Variants in SAMD5 observed in about 807,000 individuals in gnomAD.
The protein encoded by SAMD5 is sterile alpha motif domain containing 5.
Under a neutral mutation model 11.3 loss-of-function variants are expected in SAMD5, and 13 were observed. The ratio of observed to expected loss-of-function variants is 1.15; its 90% CI spans 0.75 to 1.83. The LOEUF is 1.83. Among genes scored for constraint, SAMD5 ranks in the 40% most tolerant of loss-of-function variants. SAMD5 has a pLI of 0.00. For synonymous variants in SAMD5, 129 were observed against 111.3 expected (o/e 1.16, Z -1.00); for missense variants, 255 against 239.1 (o/e 1.07, Z -0.44).
intron 1 of SAMD5, among the ~76,000 whole-genome samples, chr6:147,530,342 G>GTT (rs1788409543): frequency 6.6e-6 from 1 of 152,250 alleles, no homozygotes; most frequent in Non-Finnish European, 1.5e-5. Context: ...GTGCAGGGAC[G>GTT]TTTTACTTGT....
the SAMD5 span, among the ~76,000 whole-genome samples, chr6:147,939,911 A>G: frequency 1.3e-5 from 2 of 152,138 alleles, no homozygotes; most frequent in African/African-American, 4.8e-5. Flanking sequence ...GGGTAAGAAT[A>G]TGATGTTATG....
chr6:147,759,462 T>C, the SAMD5 span, among the ~76,000 whole-genome samples: 3 of 152,104 alleles, frequency 2.0e-5, no homozygotes, highest in Non-Finnish European at 2.9e-5. Context: ...CAATAACTCT[T>C]GTTTGGTTTT....
chr6:147,947,233 T>C, the SAMD5 span, among the ~76,000 whole-genome samples: 2 of 152,176 alleles, frequency 1.3e-5, no homozygotes, highest in Non-Finnish European at 2.9e-5. Context: ...TAGTTTAGGA[T>C]GGAATTAGCT....
intron 1 of SAMD5, among the ~76,000 whole-genome samples, chr6:147,537,755 C>CA (rs34367490): frequency 3.5e-4 from 49 of 140,018 alleles, no homozygotes; most frequent in Middle Eastern, 3.6e-3. Context: ...GACTCCGTCT[C>CA]AAAAAAAAAA....
At chr6:147,722,415 T>G (rs1039325563) in intron 1 of SAMD5, among the ~76,000 whole-genome samples, 1 of 152,206 alleles carries the variant, frequency 6.6e-6, no homozygotes, top group African/African-American at 2.4e-5. Flanking sequence ...TTTGCCAATA[T>G]TTTATGCCCT....
the SAMD5 span, among the ~76,000 whole-genome samples, chr6:147,752,571 T>A: frequency 4.0e-5 from 6 of 151,690 alleles, no homozygotes; most frequent in African/African-American, 7.3e-5. Flanking sequence ...ATTGAAAAAA[T>A]GACAGTTTGT....
the SAMD5 span, among the ~76,000 whole-genome samples, chr6:147,865,326 GT>G: frequency 6.0e-5 from 1 of 16,618 alleles, no homozygotes; most frequent in African/African-American, 4.6e-4. Context: ...GTGTGTGTGT[GT>G]GTGTGTGTGT....
intron 1 of SAMD5, among the ~76,000 whole-genome samples, chr6:147,682,655 G>C (rs1790955985): frequency 1.3e-5 from 2 of 152,102 alleles, no homozygotes; most frequent in South Asian, 4.1e-4. Context: ...ATTATAGGCT[G>C]GCTTAATATT....
the SAMD5 span, among the ~76,000 whole-genome samples, chr6:147,896,115 A>T: frequency 2.6e-5 from 4 of 152,204 alleles, no homozygotes; most frequent in Admixed American, 2.6e-4. Context: ...AGTGCACCTG[A>T]GGACTTTGGG....
At chr6:147,771,445 CT>C in the SAMD5 span, among the ~76,000 whole-genome samples, 1 of 152,138 alleles carries the variant, frequency 6.6e-6, no homozygotes, top group African/African-American at 2.4e-5. Flanking sequence ...AATGAAGGCC[CT>C]GGTAATCATA....
chr6:147,519,896 G>A (rs1452953040), intron 1 of SAMD5, among the ~76,000 whole-genome samples: 1 of 152,166 alleles, frequency 6.6e-6, no homozygotes, highest in East Asian at 1.9e-4. Flanking sequence ...AAAATTGTCA[G>A]CAGGACATTT....
chr6:147,542,708 G>A (rs1169039336), intron 1 of SAMD5, among the ~76,000 whole-genome samples: 1 of 152,152 alleles, frequency 6.6e-6, no homozygotes, highest in Non-Finnish European at 1.5e-5. Flanking sequence ...CTCAAGCACT[G>A]ATCTTAGGAG....
the SAMD5 span, among the ~76,000 whole-genome samples, chr6:147,889,467 G>C: frequency 1.3e-5 from 2 of 152,120 alleles, no homozygotes; most frequent in Non-Finnish European, 2.9e-5. Flanking sequence ...TTCTGGGTCT[G>C]TTTTAACTGA....
At chr6:147,765,674 G>A in the SAMD5 span, among the ~76,000 whole-genome samples, 2 of 152,158 alleles carry the variant, frequency 1.3e-5, no homozygotes, top group Non-Finnish European at 2.9e-5. Context: ...TTTACCTAGG[G>A]ACGTCGGAAC....
chr6:147,759,703 A>G, the SAMD5 span, among the ~76,000 whole-genome samples: 1 of 152,076 alleles, frequency 6.6e-6, no homozygotes, highest in Non-Finnish European at 1.5e-5. Flanking sequence ...GTAGTGGGAA[A>G]ATTATCTGCA....
chr6:147,753,819 G>A, the SAMD5 span, among the ~76,000 whole-genome samples: 1 of 151,424 alleles, frequency 6.6e-6, no homozygotes, highest in South Asian at 2.1e-4. Context: ...GTCTTTTTGT[G>A]CCTGGCTTAT....
At chr6:147,655,585 AG>A (rs1790553709) in intron 1 of SAMD5, among the ~76,000 whole-genome samples, 1 of 151,846 alleles carries the variant, frequency 6.6e-6, no homozygotes, top group South Asian at 2.1e-4. Flanking sequence ...CAGCTCTTGC[AG>A]TACATCATTA....
chr6:147,728,903 T>TA (rs1378380226), intron 1 of SAMD5, among the ~76,000 whole-genome samples: 1 of 152,206 alleles, frequency 6.6e-6, no homozygotes, highest in Admixed American at 6.5e-5. Context: ...TTGAAATAAA[T>TA]ATGATAAAAG....
intron 1 of SAMD5, among the ~76,000 whole-genome samples, chr6:147,646,391 A>G (rs1790401732): frequency 2.0e-5 from 3 of 152,064 alleles, no homozygotes; most frequent in Admixed American, 2.0e-4. Flanking sequence ...TAAATATTCA[A>G]TCCTTCTTGA....
Sources: allele counts gnomAD v4.1 joint callset (sites outside exome capture counted in the v4.1 genomes callset), GRCh38; gene constraint gnomAD v4.1.1; transcripts MANE v1.5; gene names NCBI Gene and HGNC (gene_info 2026-07-23, HGNC 2026-07-21).